NAV3: variants seen among roughly 807,000 people sequenced by gnomAD.
NAV3 encodes the protein pore membrane and/or filament interacting like protein 1.
A neutral mutation model predicts 244.7 loss-of-function variants in NAV3; 87 were observed. The ratio of observed to expected loss-of-function variants is 0.36; its 90% CI spans 0.30 to 0.42. The LOEUF (loss-of-function observed/expected upper bound fraction) is 0.42, where lower values mean the gene tolerates loss of function less well. Among genes scored for constraint, NAV3 ranks in the 20% least tolerant of loss-of-function variants. The pLI is 1.00. For missense variants in NAV3, 2,663 were observed against 2,893.3 expected (o/e 0.92, Z 1.83); for synonymous variants, 1,126 against 1,042.2 (o/e 1.08, Z -1.55).
intron 35 of NAV3, among the ~76,000 whole-genome samples, 154 bp downstream of exon 35, chr12:78,197,555 A>G (rs1053938380): frequency 2.0e-5 from 3 of 151,846 alleles, no homozygotes; most frequent in Non-Finnish European, 1.5e-5. Flanking sequence ...TGTGTACACC[A>G]TGATGTTTTG....
rs368327632 is a variant in NAV3 at position 77,636,802 on chromosome 12, A to G, written c.72+64536A>G. 5.9e-5 allele frequency among the ~76,000 whole-genome samples: 9 copies of G among 152,324 alleles called. No individual in the cohort carries two copies. The South Asian group carries it at 1.4e-3, about 25-fold the overall frequency. Reference sequence around the variant, plus strand: ...ATGTGGCACATATACATAGAGTACTATGCAGCCATGAAAAAGAATGAGTTG... The same window carrying G: ...ATGTGGCACATATACATAGAGTACTGTGCAGCCATGAAAAAGAATGAGTTG... On this transcript the variant is annotated intron_variant, in intron 2 of 8. Transcript: ENST00000550042.
chr12:77,747,230 T>A (rs1008776302), intron 2 of NAV3, among the ~76,000 whole-genome samples: 3 of 152,196 alleles, frequency 2.0e-5, no homozygotes, highest in African/African-American at 7.2e-5. Context: ...TGCATAAATG[T>A]CTTCTTTTGA....
chr12:78,053,218 A>AATATAT (rs776668829), intron 11 of NAV3, among the ~76,000 whole-genome samples: 1 of 149,186 alleles, frequency 6.7e-6, no homozygotes, highest in African/African-American at 2.5e-5. Context: ...TCCGTCTAAA[A>AATATAT]ATATATATAT....
intron 1 of NAV3, among the ~76,000 whole-genome samples, chr12:77,833,494 G>A (rs1314685295): frequency 1.3e-5 from 2 of 152,204 alleles, no homozygotes; most frequent in Non-Finnish European, 2.9e-5. Flanking sequence ...AACCTCTAGA[G>A]GGATCATGCA....
chr12:77,627,487 C>A (rs1236600481), intron 2 of NAV3, among the ~76,000 whole-genome samples: 1 of 151,962 alleles, frequency 6.6e-6, no homozygotes, highest in African/African-American at 2.4e-5. Context: ...GCAACTATAC[C>A]CTAACAAGTT....
intron 1 of NAV3, among the ~76,000 whole-genome samples, chr12:77,890,540 T>C (rs1046894046): frequency 6.6e-6 from 1 of 152,218 alleles, no homozygotes; most frequent in Admixed American, 6.5e-5. Context: ...TGTTAGCTTG[T>C]ATTTGCTTCC....
intron 8 of NAV3, among the ~76,000 whole-genome samples, chr12:78,019,947 A>G (rs899498175): frequency 1.3e-5 from 2 of 152,214 alleles, no homozygotes; most frequent in Non-Finnish European, 2.9e-5. Flanking sequence ...GACAGTCTTT[A>G]TATACATTGG....
rs2136400892 is a variant in NAV3, at chr12:77,994,802, G to A, written c.672-1G>A. The A allele has an allele frequency of 6.2e-7, 1 of 1,609,288 alleles. No individual in the cohort carries two copies. On this transcript the variant is annotated splice_acceptor_variant, in intron 5 of 39. Transcript: ENST00000397909. LOFTEE classifies it high-confidence loss of function. ...CAATTTCTCTGTTTCTCCTCATACAGTCTGGCAGCCAGATATGCAACTCAG... is the reference window on the plus strand; with the variant it reads ...CAATTTCTCTGTTTCTCCTCATACAATCTGGCAGCCAGATATGCAACTCAG...
In NAV3 at chr12:77,968,671, C is replaced by G. The variant is rs375924273; in HGVS notation, c.640C>G (p.Gln214Glu). 13 of 1,613,914 alleles carry G rather than the reference C, an allele frequency of 8.1e-6. No individual in the cohort carries two copies. Among genetic ancestry groups the G allele is most frequent in the Middle Eastern group, 1.6e-4 (1 of 6,084 alleles). ...CGCTTCCCCTCCATCGGAAGCCAGC[C>G]AGGCCAAAACCCAGCAAGATATGCA... Reference protein sequence around the residue: ...THASPPSEASQAKTQQDMQSS... With the variant: ...THASPPSEASEAKTQQDMQSS... Residue 214 changes from glutamine (Q) to glutamate (E), a missense_variant, in exon 5 of 40, where the codon CAG becomes GAG. Physicochemically the swap from Gln to Glu is conservative, Grantham distance 29. Coordinates refer to ENST00000397909, the MANE Select transcript of NAV3 (RefSeq NM_001024383.2).
intron 1 of NAV3, among the ~76,000 whole-genome samples, chr12:77,917,736 G>T (rs1490457030): frequency 6.6e-6 from 1 of 152,014 alleles, no homozygotes; most frequent in Non-Finnish European, 1.5e-5. Context: ...TCAGGTGATG[G>T]TGGCTTCTTA....
Position 78,151,546 on chromosome 12 carries a change from G to A in NAV3, c.4785+2627G>A, listed in dbSNP as rs57523670. 3.9e-3 allele frequency among the ~76,000 whole-genome samples: 586 copies of A among 152,072 alleles called. 5 individuals carry two copies. The highest frequency in any genetic ancestry group is 0.013 in the African/African-American group (540 of 41,542). On this transcript the variant is annotated intron_variant, in intron 22 of 39. Transcript: ENST00000397909. ...AGACAGTTATAGAAGGTCAAATTTT[G>A]TATAATTCCATTTATATAACATTCC... is the stretch of plus-strand genomic sequence containing the variant.
At chr12:78,074,930 C>G (rs531964538) in intron 12 of NAV3, among the ~76,000 whole-genome samples, 1 of 152,082 alleles carries the variant, frequency 6.6e-6, no homozygotes, top group Non-Finnish European at 1.5e-5. Context: ...TCTATCTTAG[C>G]AAAAGACTAG....
chr12:77,659,487 T>C (rs1207514977), intron 2 of NAV3, among the ~76,000 whole-genome samples: 1 of 152,092 alleles, frequency 6.6e-6, no homozygotes, highest in Non-Finnish European at 1.5e-5. Flanking sequence ...TGTGGAGAAA[T>C]AGGAACACTT....
chr12:77,684,921 A>C (rs1025843354), intron 2 of NAV3, among the ~76,000 whole-genome samples: 1 of 152,106 alleles, frequency 6.6e-6, no homozygotes, highest in Admixed American at 6.6e-5. Context: ...TTTTCCTTTC[A>C]CTATTGAATT....
At chr12:77,699,481 G>A (rs543971434) in intron 2 of NAV3, among the ~76,000 whole-genome samples, 1 of 152,088 alleles carries the variant, frequency 6.6e-6, no homozygotes, top group Non-Finnish European at 1.5e-5. Flanking sequence ...ACACAGCATG[G>A]TAGGGATGTC....
At chr12:77,707,925 T>A (rs1242890131) in intron 2 of NAV3, among the ~76,000 whole-genome samples, 2 of 152,240 alleles carry the variant, frequency 1.3e-5, no homozygotes, top group African/African-American at 4.8e-5. Context: ...TTCTTGTAAA[T>A]TTGTTTGAGT....
intron 2 of NAV3, among the ~76,000 whole-genome samples, chr12:77,681,308 G>C (rs753298916): frequency 1.2e-4 from 19 of 152,162 alleles, no homozygotes; most frequent in Non-Finnish European, 1.9e-4. Flanking sequence ...CAAGTAATAG[G>C]TAATTATATT....
intron 2 of NAV3, among the ~76,000 whole-genome samples, chr12:77,595,334 C>G (rs972554968): frequency 6.6e-6 from 1 of 152,082 alleles, no homozygotes; most frequent in Non-Finnish European, 1.5e-5. Context: ...TATGTGGAAT[C>G]TTATAAAATA....
intron 38 of NAV3, among the ~76,000 whole-genome samples, chr12:78,203,838 T>C (rs1959999465): frequency 8.1e-6 from 1 of 123,644 alleles, no homozygotes; most frequent in Non-Finnish European, 1.6e-5. Context: ...TGTAATATTA[T>C]ACTTTTTTTT....
Sources: gnomAD v4.1 joint callset for allele counts (sites outside exome capture counted in the v4.1 genomes callset) on GRCh38, gnomAD v4.1.1 for gene constraint, MANE v1.5 for transcripts, NCBI Gene and HGNC (gene_info 2026-07-23, HGNC 2026-07-21) for gene names.